Variants in KANK1 observed in about 807,000 individuals in gnomAD.
KANK1 encodes the protein KN motif and ankyrin repeat domain-containing protein 1.
KANK1 carries 109 observed loss-of-function variants against 106.2 expected under a neutral mutation model. The ratio of observed to expected loss-of-function variants is 1.03; its 90% CI spans 0.88 to 1.20. The LOEUF (loss-of-function observed/expected upper bound fraction) is 1.20. Ranked by LOEUF, KANK1 falls within the 50% of genes most tolerant of loss-of-function variation. The pLI is 0.00. For missense variants in KANK1, 2,399 were observed against 1,710.7 expected (o/e 1.40, Z -7.10); for synonymous variants, 873 against 652.2 (o/e 1.34, Z -5.16).
chr9:515,091 C>A (rs1056198644), intron 1 of KANK1, among the ~76,000 whole-genome samples: 1 of 151,754 alleles, frequency 6.6e-6, no homozygotes, highest in African/African-American at 2.4e-5. Flanking sequence ...CGCCTGTAAT[C>A]CCAGCACTTT....
At chr9:674,147 C>G (rs907474876) in intron 1 of KANK1, 1 of 152,138 alleles carries the variant, frequency 6.6e-6, no homozygotes, top group Non-Finnish European at 1.5e-5. Context: ...GGTTATTGCT[C>G]TCCAAGTTCA....
chr9:538,527 A>G (rs969854683), intron 1 of KANK1, among the ~76,000 whole-genome samples: 7 of 152,240 alleles, frequency 4.6e-5, no homozygotes, highest in Non-Finnish European at 8.8e-5. Flanking sequence ...TTTTAAAACT[A>G]AATTGACAGC....
chr9:553,526 C>T (rs1052436045), intron 1 of KANK1, among the ~76,000 whole-genome samples: 5 of 152,150 alleles, frequency 3.3e-5, no homozygotes, highest in African/African-American at 1.2e-4. Context: ...ATCTTCCGCA[C>T]CCTGTAGTTC....
intron 3 of KANK1, chr9:495,311 C>G (rs997215023): frequency 1.3e-5 from 2 of 152,174 alleles, no homozygotes; most frequent in Admixed American, 6.6e-5. Flanking sequence ...GTTGACTTAA[C>G]CGTTCTTTGT....
chr9:710,872 C>G lies in KANK1; in HGVS notation c.106C>G (p.Pro36Ala), dbSNP rs761236001. Residue 36 changes from proline (P) to alanine (A), a missense_variant, in exon 3 of 12, where the codon CCC (proline) becomes GCC (alanine). Physicochemically the swap from Pro to Ala is conservative, Grantham distance 27. Transcript: ENST00000382297. The stretch of plus-strand genomic sequence containing the variant: ...GAAAGACCCTTACTTTGTGGAGACC[C>G]CCTATGGTTATCAACTAGACTTAGA... ...EQKDPYFVET[P>A]YGYQLDLDFL... The G allele has an allele frequency of 6.2e-7, 1 of 1,613,922 alleles. No homozygotes were observed. The highest frequency in any genetic ancestry group is 2.2e-5 in the East Asian group (1 of 44,864).
chr9:708,368 G>C (rs867455133), intron 2 of KANK1, among the ~76,000 whole-genome samples: 7 of 152,194 alleles, frequency 4.6e-5, no homozygotes, highest in Non-Finnish European at 8.8e-5. Flanking sequence ...GGACAGCTAC[G>C]TTCTTTTAAC....
Position 738,381 on chromosome 9 carries a change from G to C in KANK1, c.3430G>C (p.Glu1144Gln). 6.2e-7 allele frequency: 1 copy of C among 1,614,108 alleles called. No individual in the cohort carries two copies. The highest frequency in any genetic ancestry group is 8.5e-7 in the Non-Finnish European group (1 of 1,180,024). The change falls in exon 8 of 12, where the codon GAG becomes CAG. Residue 1144 changes from glutamate (E) to glutamine (Q), a missense_variant. Glu to Gln is a conservative substitution (Grantham distance 29, BLOSUM62 2). Transcript: ENST00000382297. ...GGTGGGGGACTACATAGCTGCTTTT[G>C]AGGCCATTTCCCCAGATGTCCTCCG... ...AMVGDYIAAFEAISPDVLRYV... is the reference protein window; with the variant it reads ...AMVGDYIAAFQAISPDVLRYV...
intron 1 of KANK1, among the ~76,000 whole-genome samples, chr9:557,402 A>G (rs537964454): frequency 6.6e-5 from 10 of 152,216 alleles, no homozygotes; most frequent in Non-Finnish European, 8.8e-5. Context: ...TCTTTTGTGT[A>G]TATTTGAAGT....
At chr9:683,361 G>A (rs1204897457) in intron 2 of KANK1, among the ~76,000 whole-genome samples, 1 of 152,142 alleles carries the variant, frequency 6.6e-6, no homozygotes, top group Non-Finnish European at 1.5e-5. Context: ...ACATAGGTAG[G>A]AGCCTGACAT....
At chr9:516,925 T>A (rs966544761) in intron 1 of KANK1, among the ~76,000 whole-genome samples, 2 of 151,150 alleles carry the variant, frequency 1.3e-5, no homozygotes, top group African/African-American at 4.9e-5. Context: ...AAGAAATTTG[T>A]CCTAATGAGG....
chr9:677,049 C>CT, intron 2 of KANK1, 40 bp downstream of exon 2: 1 of 1,574,590 alleles, frequency 6.4e-7, no homozygotes, highest in African/African-American at 1.4e-5. Context: ...AAATGTATGT[C>CT]TTTTCTCAAA....
upstream of KANK1, among the ~76,000 whole-genome samples, chr9:502,740 G>A (rs771289103): frequency 4.6e-5 from 7 of 152,210 alleles, no homozygotes; most frequent in South Asian, 2.1e-4. Context: ...TGGCCAGGCC[G>A]GTGTTGAACT....
intron 1 of KANK1, among the ~76,000 whole-genome samples, chr9:615,764 A>T (rs1831665198): frequency 1.3e-5 from 2 of 152,222 alleles, no homozygotes; most frequent in African/African-American, 4.8e-5. Context: ...TTTGACATTT[A>T]AAGACAGAAG....
chr9:509,567 C>A (rs2058937722), intron 1 of KANK1, among the ~76,000 whole-genome samples: 1 of 152,198 alleles, frequency 6.6e-6, no homozygotes, highest in Non-Finnish European at 1.5e-5. Context: ...TTAATCCCTG[C>A]ATATGCCTAA....
chr9:515,014 A>G (rs908657504), intron 1 of KANK1, among the ~76,000 whole-genome samples: 1 of 151,854 alleles, frequency 6.6e-6, no homozygotes, highest in African/African-American at 2.4e-5. Context: ...AAAAGGGTTC[A>G]TACTTTTTAT....
intron 1 of KANK1, among the ~76,000 whole-genome samples, chr9:581,390 A>G (rs1182431049): frequency 6.6e-6 from 1 of 152,256 alleles, no homozygotes; most frequent in Non-Finnish European, 1.5e-5. Context: ...TGCTTGCATG[A>G]TACAAGAGCC....
intron 1 of KANK1, among the ~76,000 whole-genome samples, chr9:643,216 T>G (rs183024646): frequency 1.1e-4 from 17 of 151,028 alleles, no homozygotes; most frequent in African/African-American, 3.7e-4. Context: ...TTTTGGTGTG[T>G]GTTTGTGTGT....
At chr9:728,189 G>C (rs1425108207) in intron 3 of KANK1, among the ~76,000 whole-genome samples, 1 of 151,650 alleles carries the variant, frequency 6.6e-6, no homozygotes, top group Non-Finnish European at 1.5e-5. Context: ...GTCTTTTTTT[G>C]TTTTGTTTCT....
chr9:601,375 A>C (rs1244196500), intron 1 of KANK1, among the ~76,000 whole-genome samples: 1 of 151,848 alleles, frequency 6.6e-6, no homozygotes, highest in Non-Finnish European at 1.5e-5. Flanking sequence ...TGTATTGAGT[A>C]GTTCTGACTC....
Sources: gnomAD v4.1 joint callset for allele counts (sites outside exome capture counted in the v4.1 genomes callset) on GRCh38, gnomAD v4.1.1 for gene constraint, MANE v1.5 for transcripts, NCBI Gene and HGNC (gene_info 2026-07-23, HGNC 2026-07-21) for gene names.